Variants in MAGI3 observed in about 807,000 individuals in gnomAD.
The protein encoded by MAGI3 is membrane associated guanylate kinase, WW and PDZ domain containing 3.
In MAGI3, 43 loss-of-function variants were observed where a neutral mutation model predicts 121.8. The ratio of observed to expected loss-of-function variants is 0.35; its 90% CI spans 0.28 to 0.46. The LOEUF (loss-of-function observed/expected upper bound fraction) is 0.46. MAGI3 is among the 20% of genes least tolerant of loss of function. The pLI is 1.00. For synonymous variants in MAGI3, 553 were observed against 639.3 expected (o/e 0.86, Z 2.04); for missense variants, 1,547 against 1,797.3 (o/e 0.86, Z 2.52).
intron 6 of MAGI3, among the ~76,000 whole-genome samples, chr1:113,604,182 T>C (rs1049119935): frequency 6.6e-6 from 1 of 152,196 alleles, no homozygotes; most frequent in South Asian, 2.1e-4. Flanking sequence ...CACCTGCTTA[T>C]GTATGTCTAT....
chr1:113,673,231 T>C (rs2101023726), intron 18 of MAGI3, 91 bp from the exon 19 acceptor site: 3 of 1,421,838 alleles, frequency 2.1e-6, no homozygotes, highest in East Asian at 2.3e-5. Context: ...AGAGTATAAA[T>C]CATTTCTTCC....
intron 1 of MAGI3, among the ~76,000 whole-genome samples, chr1:113,397,330 G>A (rs1216712580): frequency 1.3e-5 from 2 of 152,010 alleles, no homozygotes; most frequent in Non-Finnish European, 1.5e-5. Flanking sequence ...TAGGATCCAC[G>A]CCATCTGCCC....
chr1:113,545,040 T>TC (rs1659465746), intron 1 of MAGI3, among the ~76,000 whole-genome samples: 1 of 151,904 alleles, frequency 6.6e-6, no homozygotes, highest in South Asian at 2.1e-4. Flanking sequence ...GTCACTTTTT[T>TC]TTTTTTAACA....
At chr1:113,651,880 G>C (rs1373240730) in intron 14 of MAGI3, among the ~76,000 whole-genome samples, 2 of 151,940 alleles carry the variant, frequency 1.3e-5, no homozygotes, top group Non-Finnish European at 2.9e-5. Flanking sequence ...AAAGATTTTT[G>C]GATCCCAGTG....
Position 113,651,123 on chromosome 1 carries a change from A to C in MAGI3, c.2357A>C (p.His786Pro), listed in dbSNP as rs1331832880. 1 of 1,614,082 alleles carries C rather than the reference A, an allele frequency of 6.2e-7. No homozygotes were observed. The highest frequency in any genetic ancestry group is 1.3e-5 in the African/African-American group (1 of 74,932). Reference protein sequence around the residue: ...IDGIPVKGKSHKQVLDLMTTA... With the variant: ...IDGIPVKGKSPKQVLDLMTTA... ...GGAATTCCTGTTAAAGGGAAATCAC[A>C]CAAACAAGTCTTGGACCTCATGACA... is the stretch of plus-strand genomic sequence containing the variant. The change falls in exon 14 of 21, where the codon CAC becomes CCC. Residue 786 changes from histidine to proline, a missense_variant. Coordinates refer to ENST00000307546, the MANE Select transcript of MAGI3 (RefSeq NM_001142782.2).
intron 2 of MAGI3, among the ~76,000 whole-genome samples, chr1:113,563,789 C>T (rs1017318216): frequency 1.1e-4 from 17 of 152,124 alleles, no homozygotes; most frequent in Admixed American, 7.9e-4. Flanking sequence ...AGCTTGCTGG[C>T]GAATTTCACT....
chr1:113,399,315 G>A (rs1651281553), intron 1 of MAGI3, among the ~76,000 whole-genome samples: 1 of 152,118 alleles, frequency 6.6e-6, no homozygotes, highest in African/African-American at 2.4e-5. Flanking sequence ...CAGGCGTGGG[G>A]ACATGTCTAC....
intron 1 of MAGI3, among the ~76,000 whole-genome samples, chr1:113,469,210 G>A (rs760888200): frequency 4.6e-5 from 7 of 152,108 alleles, no homozygotes; most frequent in Non-Finnish European, 7.4e-5. Context: ...AACAGAGACA[G>A]GGACATTAAG....
chr1:113,668,100 A>G (rs780221185), intron 16 of MAGI3, among the ~76,000 whole-genome samples: 1 of 152,204 alleles, frequency 6.6e-6, no homozygotes, highest in Non-Finnish European at 1.5e-5. Context: ...AACAGATATA[A>G]TAATAATGAA....
At chr1:113,434,798 TAAG>T (rs1332566082) in intron 1 of MAGI3, among the ~76,000 whole-genome samples, 2 of 152,250 alleles carry the variant, frequency 1.3e-5, no homozygotes, top group Admixed American at 6.5e-5. Flanking sequence ...ACAGAACAGA[TAAG>T]GAAGGTTCTT....
intron 1 of MAGI3, among the ~76,000 whole-genome samples, chr1:113,438,361 G>A (rs1386287179): frequency 1.3e-5 from 2 of 152,226 alleles, no homozygotes; most frequent in South Asian, 2.1e-4. Flanking sequence ...ATCAGAACAC[G>A]TTTCTGTTCA....
intron 1 of MAGI3, among the ~76,000 whole-genome samples, chr1:113,426,993 C>G (rs958319852): frequency 1.3e-5 from 2 of 151,908 alleles, no homozygotes; most frequent in South Asian, 2.1e-4. Context: ...TCTCTCTCCC[C>G]CCTCTCTTTA....
At chr1:113,626,534 A>G (rs1279137672) in intron 9 of MAGI3, among the ~76,000 whole-genome samples, 3 of 152,144 alleles carry the variant, frequency 2.0e-5, no homozygotes, top group Non-Finnish European at 4.4e-5. Context: ...TAGGAATTGT[A>G]TTACTCCTTT....
chr1:113,436,137 A>G (rs1653554639), intron 1 of MAGI3, among the ~76,000 whole-genome samples: 1 of 152,150 alleles, frequency 6.6e-6, no homozygotes, highest in Non-Finnish European at 1.5e-5. Context: ...CATATTATAA[A>G]TTATCTTAAC....
rs532835924 is a variant in MAGI3, at chr1:113,398,294, G to T, written c.316+6945G>T. Among the ~76,000 whole-genome samples, 28 of 152,304 alleles carry T rather than the reference G, an allele frequency of 1.8e-4. 1 individual carries two copies. The highest frequency in any genetic ancestry group is 3.4e-4 in the Non-Finnish European group (23 of 68,022). On this transcript the variant is annotated intron_variant, in intron 1 of 20. Transcript: ENST00000307546. ...GTTTTAGAGACTCTGTATGGGTTAT[G>T]AAGGGTTAAACTTTTTTGCCATAAT...
chr1:113,606,695 T>G (rs1019305808), intron 6 of MAGI3, among the ~76,000 whole-genome samples: 4 of 152,176 alleles, frequency 2.6e-5, no homozygotes, highest in Non-Finnish European at 5.9e-5. Context: ...GACATCTTTC[T>G]CCTAATACAA....
chr1:113,464,334 C>T (rs990279156), intron 1 of MAGI3, among the ~76,000 whole-genome samples: 2 of 152,088 alleles, frequency 1.3e-5, no homozygotes, highest in Non-Finnish European at 2.9e-5. Flanking sequence ...GGATTTCCTT[C>T]TTTTTTGTAG....
chr1:113,462,477 A>G (rs1370929529), intron 1 of MAGI3, among the ~76,000 whole-genome samples: 1 of 152,214 alleles, frequency 6.6e-6, no homozygotes, highest in African/African-American at 2.4e-5. Context: ...CAAATACTGC[A>G]TGTTCACACT....
chr1:113,579,953 T>G (rs1647908008), intron 2 of MAGI3, among the ~76,000 whole-genome samples: 1 of 152,064 alleles, frequency 6.6e-6, no homozygotes, highest in South Asian at 2.1e-4. Flanking sequence ...AAAGTGACTC[T>G]TGTTTAGTAA....
Sources: gnomAD v4.1 joint callset for allele counts (sites outside exome capture counted in the v4.1 genomes callset) on GRCh38, gnomAD v4.1.1 for gene constraint, MANE v1.5 for transcripts, NCBI Gene and HGNC (gene_info 2026-07-23, HGNC 2026-07-21) for gene names.